The following AKAP9 variants were observed in gnomAD, a reference collection of about 807,000 sequenced individuals.
AKAP9 encodes the protein A-kinase anchor protein 9.
In AKAP9, 311 loss-of-function variants were observed where a neutral mutation model predicts 488.5. The observed-to-expected ratio is 0.64, with a 90% CI of 0.58 to 0.70. The LOEUF is 0.70. Among genes scored for constraint, AKAP9 ranks in the 30% least tolerant of loss-of-function variants. The pLI is 0.00. For synonymous variants in AKAP9, 1,462 were observed against 1,483.5 expected (o/e 0.99, Z 0.33); for missense variants, 4,215 against 4,374.5 (o/e 0.96, Z 1.03).
intron 1 of AKAP9, among the ~76,000 whole-genome samples, chr7:91,948,716 A>T (rs558973908): frequency 6.7e-6 from 1 of 148,750 alleles, no homozygotes; most frequent in South Asian, 2.1e-4. Context: ...GGTTCAAGTG[A>T]TTCTCCTGCC....
chr7:92,079,183 G>A lies in AKAP9; in HGVS notation c.7050G>A (p.Glu2350=), dbSNP rs759683044. The part of the protein sequence containing the change: ...CVKRNREEEI[E]QLNEVIEKLQ... ...AGAGAAATAGAGAAGAAGAAATAGA[G>A]CAGCTCAATGAAGTGATTGAAAAAC... The change falls in exon 31 of 50, where the codon GAG becomes GAA. Residue 2350 remains glutamate (E), a synonymous_variant. Transcript: ENST00000356239. 6.2e-7 allele frequency: 1 copy of A among 1,613,950 alleles called. No individual in the cohort carries two copies. Among genetic ancestry groups the A allele is most frequent in the Non-Finnish European group, 8.5e-7 (1 of 1,179,960 alleles).
intron 7 of AKAP9, among the ~76,000 whole-genome samples, chr7:91,998,820 A>G (rs1174063647): frequency 6.6e-6 from 1 of 152,164 alleles, no homozygotes; most frequent in African/African-American, 2.4e-5. Flanking sequence ...GTATATATTA[A>G]TAGTACAGTA....
At chr7:91,998,650 C>G (rs1323979979) in intron 7 of AKAP9, among the ~76,000 whole-genome samples, 2 of 151,644 alleles carry the variant, frequency 1.3e-5, no homozygotes, top group Admixed American at 6.6e-5. Flanking sequence ...CTATATAAAT[C>G]AGGAAACAGA....
chr7:91,974,056 T>C, intron 2 of AKAP9, 88 bp downstream of exon 2: 1 of 1,507,368 alleles, frequency 6.6e-7, no homozygotes, highest in Non-Finnish European at 9.2e-7. Context: ...CGCAATTTGA[T>C]CATGATTTTT....
chr7:92,063,497 G>C (rs1333776281), intron 24 of AKAP9: 2 of 984,238 alleles, frequency 2.0e-6, no homozygotes, highest in African/African-American at 3.5e-5. Context: ...AGCACCAGGA[G>C]CAGGTGTGTG....
rs1816314326 is a variant in AKAP9, at chr7:92,094,987, T to G, written c.9579-36T>G. On this transcript the variant is annotated intron_variant, in intron 39 of 49. Coordinates refer to ENST00000356239, the MANE Select transcript of AKAP9 (RefSeq NM_005751.5). The stretch of plus-strand genomic sequence containing the variant: ...TCTCTCATTATATGCTTCGTCAACA[T>G]AGCTTTATGGAAATTCATTTGTCTT... 3 of 1,607,698 alleles carry G rather than the reference T, an allele frequency of 1.9e-6. No individual in the cohort carries two copies. In the East Asian group the frequency reaches 6.7e-5, roughly 36 times the overall value.
intron 1 of AKAP9, among the ~76,000 whole-genome samples, chr7:91,956,862 G>A (rs1338621239): frequency 6.6e-6 from 1 of 152,136 alleles, no homozygotes; most frequent in Non-Finnish European, 1.5e-5. Context: ...GTTGTTTTGG[G>A]CTTCTATTTT....
At chr7:91,969,287 T>C (rs759537360) in intron 1 of AKAP9, among the ~76,000 whole-genome samples, 2 of 152,188 alleles carry the variant, frequency 1.3e-5, no homozygotes, top group African/African-American at 4.8e-5. Flanking sequence ...ATACTTGATA[T>C]GATTTCTACC....
intron 17 of AKAP9, among the ~76,000 whole-genome samples, chr7:92,040,159 G>A (rs1805831610): frequency 6.6e-6 from 1 of 152,042 alleles, no homozygotes; most frequent in Admixed American, 6.6e-5. Flanking sequence ...GTGAGACTCT[G>A]GAATGTAAAG....
At position 91,967,035 on chromosome 7, in the gene AKAP9, CTT is replaced by C. The variant is rs1584617050; in HGVS notation, c.49-6674_49-6673del. The stretch of plus-strand genomic sequence containing the variant: ...TTTTCCTTGTATAGATTTTTTACTT[CTT>C]TAGTTAAATTGATTTCTGGGTATTT... On this transcript the variant is annotated intron_variant, in intron 1 of 49. Coordinates refer to ENST00000356239, the MANE Select transcript of AKAP9 (RefSeq NM_005751.5). Among the ~76,000 whole-genome samples, 3 of 152,030 alleles carry C rather than the reference CTT, an allele frequency of 2.0e-5. No homozygotes were observed. The East Asian group carries it at 5.8e-4, about 29-fold the overall frequency.
At chr7:92,056,012 G>A (rs1310344625) in intron 22 of AKAP9, among the ~76,000 whole-genome samples, 1 of 151,834 alleles carries the variant, frequency 6.6e-6, no homozygotes, top group African/African-American at 2.4e-5. Context: ...CCAAAAATGG[G>A]TGAAACAATA....
intron 11 of AKAP9, among the ~76,000 whole-genome samples, chr7:92,016,673 T>C (rs1181244003): frequency 6.6e-6 from 1 of 152,098 alleles, no homozygotes; most frequent in East Asian, 1.9e-4. Context: ...TTTCTTAATA[T>C]AGATCTGCTA....
chr7:92,052,698 T>G, intron 21 of AKAP9, 28 bp from the exon 22 acceptor site: 1 of 1,436,394 alleles, frequency 7.0e-7, no homozygotes, highest in African/African-American at 1.4e-5. Context: ...TATAATTAAT[T>G]TATGCCTTTA....
chr7:91,957,156 C>T (rs1793123926), intron 1 of AKAP9, among the ~76,000 whole-genome samples: 1 of 151,928 alleles, frequency 6.6e-6, no homozygotes, highest in Non-Finnish European at 1.5e-5. Context: ...AGTTTTAGAT[C>T]CCAATGTGTA....
At position 92,079,162 on chromosome 7, in the gene AKAP9, A is replaced by G; in HGVS notation, c.7029A>G (p.Arg2343=). 6.2e-7 allele frequency: 1 copy of G among 1,614,006 alleles called. No individual in the cohort carries two copies. Among genetic ancestry groups the G allele is most frequent in the Non-Finnish European group, 8.5e-7 (1 of 1,179,954 alleles). ...TGAGTGATCAAGAATGTGTGAAGAG[A>G]AATAGAGAAGAAGAAATAGAGCAGC... ...CLMSDQECVK[R]NREEEIEQLN... The change falls in exon 31 of 50, where the codon AGA becomes AGG. Residue 2343 remains arginine (R), a synonymous_variant. Coordinates refer to ENST00000356239, the MANE Select transcript of AKAP9 (RefSeq NM_005751.5).
chr7:91,951,499 A>G (rs1402521791), intron 1 of AKAP9, among the ~76,000 whole-genome samples: 2 of 151,844 alleles, frequency 1.3e-5, no homozygotes, highest in African/African-American at 2.4e-5. Flanking sequence ...TAATTTTTAA[A>G]TTTTTTGTAG....
intron 29 of AKAP9, among the ~76,000 whole-genome samples, chr7:92,077,429 T>C (rs933475276): frequency 2.6e-5 from 4 of 152,172 alleles, no homozygotes; most frequent in African/African-American, 9.7e-5. Flanking sequence ...AATCCAGCTG[T>C]TAAATAATAC....
chr7:92,061,591 T>TAG (rs2130822256), intron 23 of AKAP9, among the ~76,000 whole-genome samples, 169 bp downstream of exon 23: 1 of 49,210 alleles, frequency 2.0e-5, no homozygotes, highest in East Asian at 4.0e-4. Flanking sequence ...AAACTATATA[T>TAG]ATATATATAT....
chr7:92,017,622 C>T (rs994835827), intron 12 of AKAP9, among the ~76,000 whole-genome samples: 3 of 152,122 alleles, frequency 2.0e-5, no homozygotes, highest in African/African-American at 7.2e-5. Flanking sequence ...GTGTAATTCT[C>T]ATGTAGAAGG....
Sources: allele counts gnomAD v4.1 joint callset (sites outside exome capture counted in the v4.1 genomes callset), GRCh38; gene constraint gnomAD v4.1.1; transcripts MANE v1.5; gene names NCBI Gene and HGNC (gene_info 2026-07-23, HGNC 2026-07-21).